The following WWOX variants were observed in gnomAD, a reference collection of about 807,000 sequenced individuals.
WWOX encodes WW domain containing oxidoreductase.
WWOX carries 69 observed loss-of-function variants against 46.2 expected under a neutral mutation model. The observed-to-expected ratio is 1.49, with a 90% confidence interval of 1.23 to 1.82. The LOEUF is 1.82. WWOX is among the 40% of genes most tolerant of loss of function. The pLI, the probability that WWOX is intolerant of heterozygous loss-of-function variation, is 0.00. For missense variants in WWOX, 919 were observed against 542.6 expected, an observed-to-expected ratio of 1.69 and a Z score of -6.89; for synonymous variants, 359 against 202.6, an observed-to-expected ratio of 1.77 and a Z score of -6.56.
intron 8 of WWOX, among the ~76,000 whole-genome samples, chr16:78,913,109 C>A (rs1476151941): frequency 6.6e-6 from 1 of 152,110 alleles, no homozygotes; most frequent in South Asian, 2.1e-4. Flanking sequence ...ATCTGACATC[C>A]TGCCCTACCT....
At chr16:79,028,345 A>G (rs761950347) in intron 8 of WWOX, among the ~76,000 whole-genome samples, 4 of 151,848 alleles carry the variant, frequency 2.6e-5, no homozygotes, top group Non-Finnish European at 5.9e-5. Flanking sequence ...GTGTATCGTT[A>G]GGCATGTTCA....
At chr16:78,401,398 A>C (rs1490824246) in intron 6 of WWOX, among the ~76,000 whole-genome samples, 2 of 152,200 alleles carry the variant, frequency 1.3e-5, no homozygotes, top group African/African-American at 4.8e-5. Context: ...CAAAATTCTA[A>C]TAGGCTGAAA....
At chr16:78,303,424 G>T (rs1016653541) in intron 5 of WWOX, among the ~76,000 whole-genome samples, 3 of 152,218 alleles carry the variant, frequency 2.0e-5, no homozygotes, top group Non-Finnish European at 2.9e-5. Flanking sequence ...TGAGCTCATG[G>T]ACGTTGCTTT....
intron 8 of WWOX, among the ~76,000 whole-genome samples, chr16:78,916,246 G>A (rs1450348654): frequency 2.0e-5 from 3 of 152,188 alleles, no homozygotes; most frequent in Non-Finnish European, 4.4e-5. Context: ...TGCCGGCCAG[G>A]AAGTTTTAAT....
At chr16:78,314,063 C>G (rs1056882307) in intron 5 of WWOX, among the ~76,000 whole-genome samples, 12 of 152,050 alleles carry the variant, frequency 7.9e-5, no homozygotes, top group African/African-American at 2.7e-4. Context: ...GCATCTGTCT[C>G]CTTCAGTTAT....
At chr16:78,583,741 G>A (rs2045121503) in intron 8 of WWOX, among the ~76,000 whole-genome samples, 1 of 152,190 alleles carries the variant, frequency 6.6e-6, no homozygotes, top group African/African-American at 2.4e-5. Context: ...AGAGGGTTTT[G>A]AGTTAAGTGC....
rs371724595 is a variant in WWOX, at chr16:78,485,529, A to G, written c.1056+52777A>G. Among the ~76,000 whole-genome samples, 45 of 152,284 alleles carry G rather than the reference A, an allele frequency of 3.0e-4. No individual in the cohort carries two copies. The East Asian group carries it at 7.7e-3, about 26-fold the overall frequency. ...TTTCTACTGCACCAACTCCCCTTTC[A>G]AACGTTATTCCACAACATACTAAAT... is the stretch of plus-strand genomic sequence containing the variant. On this transcript the variant is annotated intron_variant, in intron 8 of 8. Coordinates refer to ENST00000566780, the MANE Select transcript of WWOX (RefSeq NM_016373.4).
intron 8 of WWOX, among the ~76,000 whole-genome samples, chr16:79,013,023 C>T (rs892824347): frequency 1.3e-5 from 2 of 152,126 alleles, no homozygotes; most frequent in Non-Finnish European, 2.9e-5. Flanking sequence ...GAGCTGAGAT[C>T]GTGCCACTGC....
At chr16:78,278,188 A>G (rs1218943494) in intron 5 of WWOX, among the ~76,000 whole-genome samples, 1 of 152,176 alleles carries the variant, frequency 6.6e-6, no homozygotes, top group East Asian at 1.9e-4. Context: ...ACTGTAGTCT[A>G]TTAAGAGTTT....
At position 78,790,690 on chromosome 16, in the gene WWOX, A is replaced by C. The variant is rs1292670063; in HGVS notation, c.1056+357938A>C. Among the ~76,000 whole-genome samples the C allele has an allele frequency of 2.0e-5, 3 of 152,134 alleles. No individual in the cohort carries two copies. The East Asian group carries it at 5.8e-4, about 29-fold the overall frequency. ...GTACAAAGGTTCAGAGAAAATCAAA[A>C]CAAGACTGTGGTTTACAAATAAGTA... On this transcript the variant is annotated intron_variant, in intron 8 of 8. Transcript: ENST00000566780.
chr16:78,498,097 T>C (rs3115958), intron 8 of WWOX, among the ~76,000 whole-genome samples: 126,183 of 150,532 alleles, frequency 0.84, 55,109 homozygotes, highest in Non-Finnish European at 0.96. Context: ...CCCAGCTACT[T>C]GGGAGGCTGA....
chr16:78,539,631 G>A (rs1293582966), intron 8 of WWOX, among the ~76,000 whole-genome samples: 1 of 152,196 alleles, frequency 6.6e-6, no homozygotes, highest in Non-Finnish European at 1.5e-5. Flanking sequence ...GGACAGATTG[G>A]CACATATGTG....
At chr16:79,153,354 C>G (rs8045785) in intron 8 of WWOX, among the ~76,000 whole-genome samples, 1 of 152,004 alleles carries the variant, frequency 6.6e-6, no homozygotes, top group Non-Finnish European at 1.5e-5. Context: ...CCTTTCAGTG[C>G]GAAGGAATCC....
intron 8 of WWOX, among the ~76,000 whole-genome samples, chr16:78,826,511 A>G (rs982398779): frequency 1.3e-5 from 2 of 152,272 alleles, no homozygotes; most frequent in South Asian, 2.1e-4. Flanking sequence ...ATATCACTCC[A>G]ATCCCTGCCT....
intron 8 of WWOX, among the ~76,000 whole-genome samples, chr16:78,674,599 T>G (rs1002678216): frequency 6.6e-6 from 1 of 152,168 alleles, no homozygotes; most frequent in Non-Finnish European, 1.5e-5. Flanking sequence ...CTTCATAGTT[T>G]ACTCTTATTA....
intron 6 of WWOX, among the ~76,000 whole-genome samples, chr16:78,420,926 A>G (rs2082913106): frequency 6.6e-6 from 1 of 152,150 alleles, no homozygotes; most frequent in African/African-American, 2.4e-5. Flanking sequence ...TATGAATCAC[A>G]CATATTAATT....
chr16:78,325,235 CAT>C (rs2080586268), intron 5 of WWOX, among the ~76,000 whole-genome samples: 1 of 152,210 alleles, frequency 6.6e-6, no homozygotes, highest in African/African-American at 2.4e-5. Context: ...TGAAAAATCA[CAT>C]GTCTAATTTT....
At chr16:78,650,333 A>G (rs1451683259) in intron 8 of WWOX, among the ~76,000 whole-genome samples, 1 of 151,744 alleles carries the variant, frequency 6.6e-6, no homozygotes, top group African/African-American at 2.4e-5. Context: ...GTCTGTAAAA[A>G]TACAGATAAT....
intron 1 of WWOX, among the ~76,000 whole-genome samples, chr16:78,101,194 C>T (rs1389574783): frequency 2.0e-5 from 3 of 151,200 alleles, no homozygotes; most frequent in African/African-American, 7.3e-5. Context: ...ACTACAGGCG[C>T]CCGCCACCAC....
Sources: gnomAD v4.1 joint callset for allele counts (sites outside exome capture counted in the v4.1 genomes callset) on GRCh38, gnomAD v4.1.1 for gene constraint, MANE v1.5 for transcripts, NCBI Gene and HGNC (gene_info 2026-07-23, HGNC 2026-07-21) for gene names.